ROBO1: variants seen among roughly 807,000 people sequenced by gnomAD.
The protein encoded by ROBO1 is roundabout homolog 1.
In ROBO1, 149 loss-of-function variants were observed where a neutral mutation model predicts 195.9. The ratio of observed to expected loss-of-function variants is 0.76; its 90% confidence interval spans 0.67 to 0.87. ROBO1 has a LOEUF of 0.87. ROBO1 is among the 40% of genes least tolerant of loss of function. The pLI, the probability that ROBO1 is intolerant of heterozygous loss-of-function variation, is 0.00. For missense variants in ROBO1, 1,933 were observed against 2,068.3 expected (o/e 0.93, Z 1.27); for synonymous variants, 816 against 733.2 (o/e 1.11, Z -1.82).
intron 1 of ROBO1, among the ~76,000 whole-genome samples, chr3:79,702,597 T>C (rs1947651712): frequency 1.3e-5 from 2 of 151,840 alleles, no homozygotes; most frequent in South Asian, 2.1e-4. Flanking sequence ...TTCACACGAA[T>C]CTAAGAGATA....
intron 4 of ROBO1, among the ~76,000 whole-genome samples, chr3:78,936,934 T>C (rs2039844503): frequency 6.6e-6 from 1 of 152,144 alleles, no homozygotes; most frequent in South Asian, 2.1e-4. Context: ...CTGAGACCTT[T>C]ACTGAGAATC....
chr3:78,806,566 AG>A (rs2084547219), intron 4 of ROBO1, among the ~76,000 whole-genome samples: 1 of 152,202 alleles, frequency 6.6e-6, no homozygotes, highest in Non-Finnish European at 1.5e-5. Context: ...AGATATGCAT[AG>A]GGCCAGATGA....
intron 1 of ROBO1, among the ~76,000 whole-genome samples, chr3:79,670,772 A>G (rs1946609618): frequency 6.6e-6 from 1 of 151,858 alleles, no homozygotes; most frequent in African/African-American, 2.4e-5. Flanking sequence ...CTTAGGCCAA[A>G]TAAGTGTAAA....
chr3:79,271,756 T>A (rs1299194295), intron 2 of ROBO1, among the ~76,000 whole-genome samples: 1 of 152,080 alleles, frequency 6.6e-6, no homozygotes, highest in Non-Finnish European at 1.5e-5. Context: ...AAGGTTTATA[T>A]AAGATTCCCA....
chr3:78,597,732 T>TAAGTC lies in ROBO1; in HGVS notation c.*1176_*1180dup, dbSNP rs1288300158. 3 of 152,222 alleles carry TAAGTC rather than the reference T, an allele frequency of 2.0e-5. No homozygotes were observed. The highest frequency in any genetic ancestry group is 1.9e-4 in the East Asian group (1 of 5,200). 9.4% of individuals were successfully genotyped at this position (152,222 alleles called of 1,614,324 possible). A position where few individuals can be genotyped will look rare whatever the true frequency, so the allele number is the denominator to read the frequency against. ...ACAAACTTAAACCTCTTTTTTTCTT[T>TAAGTC]AAGTCCAGGAAAAGTAAGAACCATT... On this transcript the variant is annotated 3_prime_UTR_variant, in exon 31 of 31. Transcript: ENST00000464233.
chr3:79,198,266 T>A (rs923743311), intron 2 of ROBO1, among the ~76,000 whole-genome samples: 1 of 152,120 alleles, frequency 6.6e-6, no homozygotes, highest in African/African-American at 2.4e-5. Context: ...GGCTAGCTAG[T>A]TTTCCCAGCA....
intron 2 of ROBO1, among the ~76,000 whole-genome samples, chr3:79,381,373 A>AGAAAAGAAAAGAAAAG (rs1221999594): frequency 2.8e-4 from 32 of 115,412 alleles, no homozygotes; most frequent in African/African-American, 9.7e-4. Context: ...AAAAAAAAAA[A>AGAAAAGAAAAGAAAAG]AAAAGAAAAG....
At chr3:78,884,553 GAA>G (rs2036387434) in intron 4 of ROBO1, among the ~76,000 whole-genome samples, 1 of 149,920 alleles carries the variant, frequency 6.7e-6, no homozygotes, top group South Asian at 2.1e-4. Context: ...AAGAAAGAAA[GAA>G]AGAGAGAAAG....
At chr3:78,948,536 T>A (rs190866367) in intron 3 of ROBO1, among the ~76,000 whole-genome samples, 2 of 152,256 alleles carry the variant, frequency 1.3e-5, no homozygotes, top group Non-Finnish European at 2.9e-5. Flanking sequence ...GAGTTATCTA[T>A]GACAAACCCA....
At chr3:78,620,017 C>CAAAA (rs11314248) in intron 26 of ROBO1, among the ~76,000 whole-genome samples, 1 of 107,772 alleles carries the variant, frequency 9.3e-6, no homozygotes. Context: ...GACTCTGTCT[C>CAAAA]AAAAAAAAAA....
At chr3:78,700,011 C>T (rs1314107797) in intron 8 of ROBO1, among the ~76,000 whole-genome samples, 1 of 152,102 alleles carries the variant, frequency 6.6e-6, no homozygotes, top group Admixed American at 6.6e-5. Context: ...TAAAATTATA[C>T]ATTTGTATGT....
chr3:79,161,369 A>C (rs192768332), intron 2 of ROBO1, among the ~76,000 whole-genome samples: 21 of 152,214 alleles, frequency 1.4e-4, no homozygotes, highest in Admixed American at 7.2e-4. Context: ...GACAATTCCC[A>C]ATAACATCAT....
chr3:78,850,387 T>C (rs1400825655), intron 4 of ROBO1, among the ~76,000 whole-genome samples: 1 of 152,174 alleles, frequency 6.6e-6, no homozygotes, highest in Non-Finnish European at 1.5e-5. Flanking sequence ...AATTTTAATA[T>C]TAACTTTAAA....
intron 2 of ROBO1, among the ~76,000 whole-genome samples, chr3:79,315,612 A>G (rs1342383236): frequency 6.6e-6 from 1 of 152,196 alleles, no homozygotes; most frequent in Non-Finnish European, 1.5e-5. Context: ...AGTGACAGGG[A>G]GAAACGAGTT....
intron 8 of ROBO1, among the ~76,000 whole-genome samples, chr3:78,709,656 T>A (rs780694889): frequency 1.3e-5 from 2 of 152,176 alleles, no homozygotes; most frequent in Non-Finnish European, 2.9e-5. Context: ...ATTAACAGGG[T>A]GCAACCTCAT....
chr3:79,469,413 A>T (rs984656309), intron 2 of ROBO1, among the ~76,000 whole-genome samples: 2 of 152,184 alleles, frequency 1.3e-5, no homozygotes, highest in Non-Finnish European at 1.5e-5. Flanking sequence ...GCAAAACACC[A>T]AACAAAAACA....
intron 4 of ROBO1, among the ~76,000 whole-genome samples, chr3:78,933,425 C>CT (rs1344038933): frequency 6.6e-6 from 1 of 152,068 alleles, no homozygotes; most frequent in Non-Finnish European, 1.5e-5. Context: ...AATACTTCTG[C>CT]TTTTTTCCCA....
chr3:79,166,883 A>T (rs1043336947), intron 2 of ROBO1, among the ~76,000 whole-genome samples: 5 of 152,162 alleles, frequency 3.3e-5, no homozygotes, highest in African/African-American at 1.2e-4. Context: ...ATATTTGTTG[A>T]ATTAATGAAT....
At position 79,125,437 on chromosome 3, in the gene ROBO1, T is replaced by C; in HGVS notation, c.172+19A>G. 1 of 1,605,978 alleles carries C rather than the reference T, an allele frequency of 6.2e-7. No homozygotes were observed. Among genetic ancestry groups the C allele is most frequent in the Non-Finnish European group, 8.5e-7 (1 of 1,173,434 alleles). ...GGCATTTCAGGAGGAAGTTAGTATT[T>C]GGGAAAGAGACACTCTACCTGTATA... On this transcript the variant is annotated intron_variant, in intron 3 of 30. Transcript: ENST00000464233.
Sources: gnomAD v4.1 joint callset for allele counts (sites outside exome capture counted in the v4.1 genomes callset) on GRCh38, gnomAD v4.1.1 for gene constraint, MANE v1.5 for transcripts, NCBI Gene and HGNC (gene_info 2026-07-23, HGNC 2026-07-21) for gene names.